The following ARMC9 variants were observed in gnomAD, a reference collection of about 807,000 sequenced individuals.
ARMC9 encodes lisH domain-containing protein ARMC9.
In ARMC9, 94 loss-of-function variants were observed where a neutral mutation model predicts 107.0. That is an observed-to-expected ratio of 0.88 (90% CI 0.74 to 1.04). ARMC9 has a LOEUF of 1.04. ARMC9 is among the 50% of genes least tolerant of loss of function. The pLI, the probability that ARMC9 is intolerant of heterozygous loss-of-function variation, is 0.00. For missense variants in ARMC9, 942 were observed against 1,030.1 expected, an observed-to-expected ratio of 0.91 and a Z score of 1.17; for synonymous variants, 380 against 396.9, an observed-to-expected ratio of 0.96 and a Z score of 0.51.
At chr2:231,316,648 G>C (rs1461997833) in intron 19 of ARMC9, among the ~76,000 whole-genome samples, 1 of 148,090 alleles carries the variant, frequency 6.8e-6, no homozygotes, top group Non-Finnish European at 1.5e-5. Context: ...CTGGGTGACA[G>C]AGCAAGACTC....
intron 21 of ARMC9, among the ~76,000 whole-genome samples, chr2:231,346,514 C>G (rs1198502163): frequency 1.3e-5 from 2 of 152,148 alleles, no homozygotes; most frequent in South Asian, 2.1e-4. Context: ...GAGTGACACT[C>G]TATCTCAAAA....
chr2:231,333,161 G>A (rs1178701903), intron 20 of ARMC9, among the ~76,000 whole-genome samples: 3 of 152,298 alleles, frequency 2.0e-5, no homozygotes, highest in South Asian at 2.1e-4. Flanking sequence ...GGGATTCTAG[G>A]CTGGAGTGCA....
intron 17 of ARMC9, among the ~76,000 whole-genome samples, chr2:231,282,950 A>G (rs2040321933): frequency 6.6e-6 from 1 of 152,234 alleles, no homozygotes; most frequent in Admixed American, 6.5e-5. Context: ...AGGGGTTGTC[A>G]ACCAAGGCAA....
intron 5 of ARMC9, among the ~76,000 whole-genome samples, chr2:231,220,458 A>G (rs766117085): frequency 6.6e-6 from 1 of 151,920 alleles, no homozygotes; most frequent in Admixed American, 6.6e-5. Context: ...TTAGCTGGGC[A>G]TGGTGGCTAA....
At chr2:231,289,782 T>G (rs1230699529) in intron 17 of ARMC9, among the ~76,000 whole-genome samples, 2 of 152,178 alleles carry the variant, frequency 1.3e-5, no homozygotes, top group African/African-American at 4.8e-5. Context: ...CACCTCCTCC[T>G]CTGTGAGCTT....
In ARMC9 at chr2:231,328,814, C is replaced by CTTTTTTTTTTTTTTTTTTTTT. The variant is rs1341987081; in HGVS notation, c.1774-2975_1774-2974insTTTTTTTTTTTTTTTTTTTTT. ...AGCGTGTTCAATTTTCTTTTCTTTT[C>CTTTTTTTTTTTTTTTTTTTTT]TTTTCTTTTTTTTTTTTTGAGTCGG... On this transcript the variant is annotated intron_variant, in intron 19 of 24. Coordinates refer to ENST00000611582, the MANE Select transcript of ARMC9 (RefSeq NM_001352754.2). 7.3e-3 allele frequency among the ~76,000 whole-genome samples: 928 copies of CTTTTTTTTTTTTTTTTTTTTT among 127,030 alleles called. 124 individuals are homozygous for CTTTTTTTTTTTTTTTTTTTTT. Among genetic ancestry groups the CTTTTTTTTTTTTTTTTTTTTT allele is most frequent in the Middle Eastern group, 0.014 (3 of 214 alleles). The allele number at this position is 127,030 out of a possible 152,430, so 83.3% of individuals were successfully genotyped here.
intron 17 of ARMC9, among the ~76,000 whole-genome samples, chr2:231,289,800 T>G (rs2040865281): frequency 6.6e-6 from 1 of 152,202 alleles, no homozygotes; most frequent in African/African-American, 2.4e-5. Flanking sequence ...CTTACCCATC[T>G]CTGCCTCCCA....
At chr2:231,293,351 C>T (rs144705391) in intron 18 of ARMC9, among the ~76,000 whole-genome samples, 26 of 152,244 alleles carry the variant, frequency 1.7e-4, no homozygotes, top group African/African-American at 6.0e-4. Context: ...GTTGCACATC[C>T]GCGCCATAGT....
At chr2:231,233,173 G>T (rs1026511168) in intron 7 of ARMC9, among the ~76,000 whole-genome samples, 2 of 152,180 alleles carry the variant, frequency 1.3e-5, no homozygotes, top group Non-Finnish European at 2.9e-5. Flanking sequence ...GGTTTTAATA[G>T]TAAAAATATT....
At chr2:231,309,566 G>T (rs551011361) in intron 19 of ARMC9, among the ~76,000 whole-genome samples, 1 of 152,234 alleles carries the variant, frequency 6.6e-6, no homozygotes, top group Admixed American at 6.5e-5. Flanking sequence ...ATTCAAAGAT[G>T]AAATGCTTAG....
chr2:231,278,684 C>G (rs2039967271), intron 16 of ARMC9, among the ~76,000 whole-genome samples: 1 of 152,198 alleles, frequency 6.6e-6, no homozygotes, highest in African/African-American at 2.4e-5. Context: ...CTGCTTGGCC[C>G]ACTGGCCTGT....
At chr2:231,253,168 A>C (rs1380162779) in intron 9 of ARMC9, among the ~76,000 whole-genome samples, 1 of 151,620 alleles carries the variant, frequency 6.6e-6, no homozygotes, top group African/African-American at 2.4e-5. Flanking sequence ...TCTGTCACCC[A>C]GGCTGGAGTG....
chr2:231,296,190 C>A lies in ARMC9; in HGVS notation c.1718-8C>A. Reference sequence around the variant, plus strand: ...TCCATTATTCATTGATTCTTTTTTTCTTTATAGAAGAGCTACCAGATGGTG... The same window carrying A: ...TCCATTATTCATTGATTCTTTTTTTATTTATAGAAGAGCTACCAGATGGTG... On this transcript the variant is annotated splice_region_variant and splice_polypyrimidine_tract_variant and intron_variant, in intron 18 of 24. Coordinates refer to ENST00000611582, the MANE Select transcript of ARMC9 (RefSeq NM_001352754.2). 1.9e-6 allele frequency: 3 copies of A among 1,605,818 alleles called. No homozygotes were observed. The highest frequency in any genetic ancestry group is 2.6e-6 in the Non-Finnish European group (3 of 1,175,944).
chr2:231,370,254 C>G, intron 24 of ARMC9, 129 bp downstream of exon 24: 1 of 1,090,830 alleles, frequency 9.2e-7, no homozygotes. Flanking sequence ...GGCAGAAGGC[C>G]TGCTTCCCTT....
At chr2:231,357,955 T>C (rs2045409301) in intron 22 of ARMC9, among the ~76,000 whole-genome samples, 1 of 152,142 alleles carries the variant, frequency 6.6e-6, no homozygotes, top group Admixed American at 6.5e-5. Context: ...TTCCTCTGGG[T>C]CATGAGTAAG....
At chr2:231,209,724 T>C (rs1248500448) in intron 3 of ARMC9, among the ~76,000 whole-genome samples, 2 of 152,012 alleles carry the variant, frequency 1.3e-5, no homozygotes, top group Admixed American at 6.6e-5. Flanking sequence ...TTATTGGAGA[T>C]AGGGTTTCAC....
intron 19 of ARMC9, among the ~76,000 whole-genome samples, chr2:231,322,384 G>A (rs768581583): frequency 6.6e-6 from 1 of 152,228 alleles, no homozygotes; most frequent in African/African-American, 2.4e-5. Context: ...TTCTGAGAAG[G>A]TGTCTCAAAT....
chr2:231,268,066 A>G (rs2039006467), intron 12 of ARMC9, among the ~76,000 whole-genome samples: 1 of 152,214 alleles, frequency 6.6e-6, no homozygotes, highest in African/African-American at 2.4e-5. Context: ...TGAATATCAC[A>G]GACATATTGT....
Position 231,296,598 on chromosome 2 carries a change from C to T in ARMC9, c.1773+345C>T, listed in dbSNP as rs191104135. Among the ~76,000 whole-genome samples, 40 of 152,298 alleles carry T rather than the reference C, an allele frequency of 2.6e-4. No homozygotes were observed. In the East Asian group the frequency reaches 3.5e-3, roughly 13 times the overall value. On this transcript the variant is annotated intron_variant, in intron 19 of 24. Coordinates refer to ENST00000611582, the MANE Select transcript of ARMC9 (RefSeq NM_001352754.2). ...ACGAGCCTCGGCCTGTCTTCCTCAC[C>T]GGTGGGAGTGCTGGGCGTGTAGGCG... is the stretch of plus-strand genomic sequence containing the variant.
Sources: allele counts gnomAD v4.1 joint callset (sites outside exome capture counted in the v4.1 genomes callset), GRCh38; gene constraint gnomAD v4.1.1; transcripts MANE v1.5; gene names NCBI Gene and HGNC (gene_info 2026-07-23, HGNC 2026-07-21).